The following PNO1 variants were observed in gnomAD, a reference collection of about 807,000 sequenced individuals.
PNO1 encodes partner of NOB1 homolog, also known as RNA-binding protein PNO1.
PNO1 carries 16 observed loss-of-function variants against 28.4 expected under a neutral mutation model. The ratio of observed to expected loss-of-function variants is 0.56; its 90% CI spans 0.38 to 0.85. The LOEUF (loss-of-function observed/expected upper bound fraction) is 0.85, where lower values mean the gene tolerates loss of function less well. Among genes scored for constraint, PNO1 ranks in the 40% least tolerant of loss-of-function variants. The probability of loss-of-function intolerance (pLI) is 0.00; values close to 1 mark genes in which losing one functional copy is unlikely to be tolerated. For synonymous variants in PNO1, 115 were observed against 110.8 expected, an observed-to-expected ratio of 1.04 and a Z score of -0.24; for missense variants, 304 against 312.2, an observed-to-expected ratio of 0.97 and a Z score of 0.20.
chr2:68,168,198 A>G (rs1343888767), intron 5 of PNO1, among the ~76,000 whole-genome samples: 2 of 152,218 alleles, frequency 1.3e-5, no homozygotes, highest in African/African-American at 2.4e-5. Flanking sequence ...GGAGCTCTGA[A>G]TATAAGAGGG....
At chr2:68,164,939 A>T (rs1673935942) in intron 5 of PNO1, among the ~76,000 whole-genome samples, 1 of 152,198 alleles carries the variant, frequency 6.6e-6, no homozygotes, top group Non-Finnish European at 1.5e-5. Flanking sequence ...ATATCATAGG[A>T]TACTTCTCTT....
intron 2 of PNO1, among the ~76,000 whole-genome samples, chr2:68,158,743 C>T (rs974355327): frequency 6.6e-6 from 1 of 152,234 alleles, no homozygotes; most frequent in Admixed American, 6.5e-5. Flanking sequence ...TCTGAGATCA[C>T]ACCAAAATAC....
chr2:68,174,885 A>T lies in PNO1; in HGVS notation c.*83A>T. On this transcript the variant is annotated 3_prime_UTR_variant, in exon 7 of 7. Coordinates refer to ENST00000263657, the MANE Select transcript of PNO1 (RefSeq NM_020143.4). The stretch of plus-strand genomic sequence containing the variant: ...TGGTCGGTCACAAGAAACCAGCTGA[A>T]CAATTTCAGTCATTTGAAGCCTCCG... 1.3e-6 allele frequency: 1 copy of T among 787,056 alleles called. No individual in the cohort carries two copies. The allele number at this position is 787,056 out of a possible 1,614,324, so 48.8% of individuals were successfully genotyped here.
At chr2:68,161,398 G>A (rs1673824418) in intron 2 of PNO1, 1 of 454,654 alleles carries the variant, frequency 2.2e-6, no homozygotes, top group Admixed American at 3.1e-5. Flanking sequence ...ATTGGGTTGT[G>A]CCAGAGGAGT....
In PNO1 at chr2:68,162,399, A is replaced by T. The variant is rs1281681424; in HGVS notation, c.502+74A>T. On this transcript the variant is annotated intron_variant, in intron 4 of 6. Coordinates refer to ENST00000263657, the MANE Select transcript of PNO1 (RefSeq NM_020143.4). The stretch of plus-strand genomic sequence containing the variant: ...ATGTGACTCTCAGTTTTCTAATAGC[A>T]TCAATTGAGCTGTATTTTTAGCAAC... 3.3e-6 allele frequency: 4 copies of T among 1,204,862 alleles called. No homozygotes were observed. In the Admixed American group the frequency reaches 5.7e-5, roughly 17 times the overall value. The allele number at this position is 1,204,862 out of a possible 1,614,324, so 74.6% of individuals were successfully genotyped here.
Position 68,158,154 on chromosome 2 carries a change from G to A in PNO1, c.207+13G>A. ...GGACGGGCTCCTGGTATGTGGCTGG[G>A]ACCCTAGGACAGCAACGAGGCAAGG... On this transcript the variant is annotated intron_variant, in intron 1 of 6. Coordinates refer to ENST00000263657, the MANE Select transcript of PNO1 (RefSeq NM_020143.4). 2.5e-6 allele frequency: 4 copies of A among 1,572,186 alleles called. No homozygotes were observed. Among genetic ancestry groups the A allele is most frequent in the Non-Finnish European group, 2.6e-6 (3 of 1,158,722 alleles).
Position 68,165,377 on chromosome 2 carries a change from A to AAAAAAAAC in PNO1, c.620+2716_620+2717insAAAAACAA, listed in dbSNP as rs1553401401. On this transcript the variant is annotated intron_variant, in intron 5 of 6. Transcript: ENST00000263657. ...AGACTCCGTCTCAAAAAAAAAAAAA[A>AAAAAAAAC]AACAACAAAAAAAAAAAAACTAGCT... Among the ~76,000 whole-genome samples the AAAAAAAAC allele has an allele frequency of 3.2e-4, 20 of 61,792 alleles. 1 individual carries two copies. The highest frequency in any genetic ancestry group is 7.1e-4 in the African/African-American group (12 of 16,918). The allele number at this position is 61,792 out of a possible 152,430, so 40.5% of individuals were successfully genotyped here.
intron 5 of PNO1, among the ~76,000 whole-genome samples, chr2:68,168,761 G>C (rs72832003): frequency 0.043 from 6,499 of 152,084 alleles, 155 homozygotes; most frequent in Admixed American, 0.071. Flanking sequence ...AAAACTGCAG[G>C]TGTATTCATA....
chr2:68,160,785 G>C (rs959483534), intron 2 of PNO1, among the ~76,000 whole-genome samples: 1 of 152,194 alleles, frequency 6.6e-6, no homozygotes, highest in African/African-American at 2.4e-5. Flanking sequence ...AAGACCTAAA[G>C]TATCTATGGG....
Position 68,175,078 on chromosome 2 carries a change from T to A in PNO1, c.*276T>A, listed in dbSNP as rs1674240003. On this transcript the variant is annotated 3_prime_UTR_variant, in exon 7 of 7. Transcript: ENST00000263657. ...AAATCACATGTAGCAGATTGCATAG[T>A]CTGTAATCCTCTCAGAGGGAAACTT... is the stretch of plus-strand genomic sequence containing the variant. 1 of 289,746 alleles carries A rather than the reference T, an allele frequency of 3.5e-6. No homozygotes were observed. Among genetic ancestry groups the A allele is most frequent in the African/African-American group, 2.2e-5 (1 of 46,330 alleles). 17.9% of individuals were successfully genotyped at this position (289,746 alleles called of 1,614,324 possible). A position where few individuals can be genotyped will look rare whatever the true frequency, so the allele number is the denominator to read the frequency against.
At chr2:68,159,500 C>T (rs1167595453) in intron 2 of PNO1, among the ~76,000 whole-genome samples, 4 of 151,950 alleles carry the variant, frequency 2.6e-5, no homozygotes, top group Admixed American at 2.0e-4. Flanking sequence ...GCTGCCCCAC[C>T]GAGCCTATGT....
intron 5 of PNO1, among the ~76,000 whole-genome samples, chr2:68,169,837 C>T (rs1572941561): frequency 6.6e-6 from 1 of 152,240 alleles, no homozygotes; most frequent in Non-Finnish European, 1.5e-5. Context: ...TCCAAAATAT[C>T]TTCCAGTATA....
chr2:68,167,821 G>A (rs1453557098), intron 5 of PNO1, among the ~76,000 whole-genome samples: 1 of 152,140 alleles, frequency 6.6e-6, no homozygotes, highest in African/African-American at 2.4e-5. Context: ...ATCCTTTGCT[G>A]GCGTTAAGTT....
chr2:68,176,010 A>T lies in PNO1; in HGVS notation c.*1208A>T, dbSNP rs1674273308. Reference sequence around the variant, plus strand: ...AAAACAGAATGGTTGGGTACTTGAAATACAGCTTCTACTGAATGAATAATT... The same window carrying T: ...AAAACAGAATGGTTGGGTACTTGAATTACAGCTTCTACTGAATGAATAATT... On this transcript the variant is annotated 3_prime_UTR_variant, in exon 7 of 7. Coordinates refer to ENST00000263657, the MANE Select transcript of PNO1 (RefSeq NM_020143.4). The T allele has an allele frequency of 6.6e-6, 1 of 152,236 alleles. No homozygotes were observed. The highest frequency in any genetic ancestry group is 1.5e-5 in the Non-Finnish European group (1 of 68,038). The allele number at this position is 152,236 out of a possible 1,614,324, so 9.4% of individuals were successfully genotyped here. A position where few individuals can be genotyped will look rare whatever the true frequency, so the allele number is the denominator to read the frequency against.
intron 5 of PNO1, among the ~76,000 whole-genome samples, chr2:68,168,921 CTTTTTTTTT>C (rs57701897): frequency 1.4e-4 from 10 of 72,484 alleles, no homozygotes; most frequent in African/African-American, 5.5e-4. Context: ...CAGCTTTTTT[CTTTTTTTTT>C]TTTTTTTTTT....
intron 4 of PNO1, 68 bp downstream of exon 4, chr2:68,162,393 A>G (rs556617625): frequency 1.6e-6 from 2 of 1,241,860 alleles, no homozygotes; most frequent in South Asian, 1.3e-5. Context: ...TCAGTTTTCT[A>G]ATAGCATCAA....
intron 5 of PNO1, among the ~76,000 whole-genome samples, chr2:68,163,048 C>T (rs1232936346): frequency 6.6e-6 from 1 of 152,120 alleles, no homozygotes; most frequent in Non-Finnish European, 1.5e-5. Flanking sequence ...CACCTTTGCA[C>T]CCTTGTAAAG....
rs371065980 is a variant in PNO1, at chr2:68,173,425, C to T, written c.691+8C>T. The T allele has an allele frequency of 2.1e-5, 32 of 1,550,280 alleles. No individual in the cohort carries two copies. The highest frequency in any genetic ancestry group is 2.7e-5 in the African/African-American group (2 of 73,500). ...TTTGCAACCTAATCTTGGGTAATAG[C>T]AGTTTCTTTCTTTGGTGTTTTCTCT... On this transcript the variant is annotated splice_region_variant and intron_variant, in intron 6 of 6. Transcript: ENST00000263657.
At chr2:68,172,294 G>A (rs1674151363) in intron 5 of PNO1, among the ~76,000 whole-genome samples, 1 of 151,414 alleles carries the variant, frequency 6.6e-6, no homozygotes, top group Admixed American at 6.6e-5. Context: ...TTTTAGGGAG[G>A]CAAGAGGGAG....
Sources: allele counts gnomAD v4.1 joint callset (sites outside exome capture counted in the v4.1 genomes callset), GRCh38; gene constraint gnomAD v4.1.1; transcripts MANE v1.5; gene names NCBI Gene and HGNC (gene_info 2026-07-23, HGNC 2026-07-21).